Variants in MCHR2 observed in about 807,000 individuals in gnomAD.
The protein encoded by MCHR2 is melanin concentrating hormone receptor 2, also known as melanin-concentrating hormone receptor 2.
In MCHR2, 15 loss-of-function variants were observed where a neutral mutation model predicts 24.8. The observed-to-expected ratio is 0.60, with a 90% CI of 0.40 to 0.93. The LOEUF is 0.93. MCHR2 is among the 40% of genes least tolerant of loss of function. The pLI, the probability that MCHR2 is intolerant of heterozygous loss-of-function variation, is 0.00. For missense variants in MCHR2, 386 were observed against 408.7 expected (o/e 0.94, Z 0.48); for synonymous variants, 151 against 147.6 (o/e 1.02, Z -0.17).
In MCHR2 at chr6:99,941,171, G is replaced by A. The variant is rs1774762862; in HGVS notation, c.587+1778C>T. The stretch of plus-strand genomic sequence containing the variant: ...GGGGGAAGTTTTTCATGTGTTTGGT[G>A]TCAGGCAGAATGGGGGAGAGGGGTG... On this transcript the variant is annotated intron_variant, in intron 4 of 5. Transcript: ENST00000281806. Among the ~76,000 whole-genome samples, 13 of 150,448 alleles carry A rather than the reference G, an allele frequency of 8.6e-5. No individual in the cohort carries two copies. The Admixed American group carries it at 8.6e-4, about 10-fold the overall frequency.
At chr6:99,924,632 C>A (rs1454169847) in intron 5 of MCHR2, among the ~76,000 whole-genome samples, 1 of 151,888 alleles carries the variant, frequency 6.6e-6, no homozygotes, top group Non-Finnish European at 1.5e-5. Context: ...AGAAATTTTT[C>A]AACTTCCTTA....
chr6:99,968,165 C>A (rs79846172), intron 1 of MCHR2, among the ~76,000 whole-genome samples: 142 of 152,046 alleles, frequency 9.3e-4, no homozygotes, highest in African/African-American at 3.3e-3. Context: ...GGTATGGAAC[C>A]CTGGGATGGA....
intron 1 of MCHR2, among the ~76,000 whole-genome samples, chr6:99,964,318 G>A (rs905525196): frequency 1.3e-5 from 2 of 152,116 alleles, no homozygotes; most frequent in Non-Finnish European, 2.9e-5. Context: ...GCTCCAGAAT[G>A]TTCACAGAAA....
At chr6:99,960,454 C>T (rs574499374) in intron 1 of MCHR2, among the ~76,000 whole-genome samples, 1 of 152,244 alleles carries the variant, frequency 6.6e-6, no homozygotes, top group African/African-American at 2.4e-5. Context: ...CTACCAATGA[C>T]TTTCTTCACA....
chr6:99,956,174 G>C lies in MCHR2; in HGVS notation c.-27C>G. 1.3e-6 allele frequency: 2 copies of C among 1,576,708 alleles called. No individual in the cohort carries two copies. Among genetic ancestry groups the C allele is most frequent in the Non-Finnish European group, 1.7e-6 (2 of 1,156,438 alleles). ...GTTCGTGGACTTTCCAGGGATTAAAGCTGTGAAGTAATAGGAAGTGATTTA... is the reference window on the plus strand; with the variant it reads ...GTTCGTGGACTTTCCAGGGATTAAACCTGTGAAGTAATAGGAAGTGATTTA... On this transcript the variant is annotated splice_region_variant and 5_prime_UTR_variant, in exon 2 of 6. Coordinates refer to ENST00000281806, the MANE Select transcript of MCHR2 (RefSeq NM_001040179.2).
Position 99,956,031 on chromosome 6 carries a change from G to A in MCHR2, c.117C>T (p.Ser39=). The change falls in exon 2 of 6, where the codon TCC becomes TCT. Residue 39 remains serine, a synonymous_variant. Coordinates refer to ENST00000281806, the MANE Select transcript of MCHR2 (RefSeq NM_001040179.2). ...ASVVDTVILP[S]MIGIICSTGL... is the part of the protein sequence containing the mutation. The stretch of plus-strand genomic sequence containing the variant: ...CTGTTGAACAGATAATCCCAATCAT[G>A]GAAGGGAGGATGACTGTATCTACCA... 5 of 1,613,194 alleles carry A rather than the reference G, an allele frequency of 3.1e-6. No homozygotes were observed. The highest frequency in any genetic ancestry group is 1.3e-5 in the African/African-American group (1 of 74,892).
intron 4 of MCHR2, among the ~76,000 whole-genome samples, chr6:99,941,562 A>G (rs1774772100): frequency 6.6e-6 from 1 of 152,172 alleles, no homozygotes; most frequent in Non-Finnish European, 1.5e-5. Context: ...TAATTAAGTC[A>G]TGAGAGTCGC....
intron 1 of MCHR2, among the ~76,000 whole-genome samples, chr6:99,968,336 T>C (rs774836883): frequency 4.6e-5 from 7 of 152,196 alleles, no homozygotes; most frequent in Non-Finnish European, 1.0e-4. Flanking sequence ...CAGAGGAAAG[T>C]GGATCACTCC....
chr6:99,927,241 T>A (rs1299402574), intron 5 of MCHR2, among the ~76,000 whole-genome samples: 2 of 152,216 alleles, frequency 1.3e-5, no homozygotes, highest in Non-Finnish European at 2.9e-5. Flanking sequence ...TACTGCAGCC[T>A]TGTAGTATTG....
intron 1 of MCHR2, among the ~76,000 whole-genome samples, chr6:99,974,433 C>T (rs1268930601): frequency 6.6e-6 from 1 of 152,216 alleles, no homozygotes; most frequent in East Asian, 1.9e-4. Flanking sequence ...GACTTCTCTG[C>T]ATTGGTTATT....
chr6:99,943,011 G>T lies in MCHR2; in HGVS notation c.525C>A (p.Ile175=). ...ALPVWVYSKV[I]KFKDGVESCA... ...AACTCTCAACACCGTCTTTAAATTT[G>T]ATGACCTTCGAGTAGACCCAGACAG... The change falls in exon 4 of 6, where the codon ATC becomes ATA. Residue 175 remains isoleucine, a synonymous_variant. Coordinates refer to ENST00000281806, the MANE Select transcript of MCHR2 (RefSeq NM_001040179.2). 1 of 1,612,958 alleles carries T rather than the reference G, an allele frequency of 6.2e-7. No homozygotes were observed. The highest frequency in any genetic ancestry group is 1.1e-5 in the South Asian group (1 of 90,968).
At chr6:99,956,229 CT>C (rs1775059011) in intron 1 of MCHR2, 55 bp from the exon 2 acceptor site, 2 of 1,203,466 alleles carry the variant, frequency 1.7e-6, no homozygotes, top group Non-Finnish European at 2.3e-6. Flanking sequence ...ATATAACTTC[CT>C]TTACCTAATT....
At chr6:99,921,730 T>C (rs996516102) in intron 5 of MCHR2, among the ~76,000 whole-genome samples, 1 of 152,194 alleles carries the variant, frequency 6.6e-6, no homozygotes, top group Admixed American at 6.5e-5. Flanking sequence ...TTTTGAACTA[T>C]TTTTTAATAC....
chr6:99,970,407 G>A (rs1273680356), intron 1 of MCHR2, among the ~76,000 whole-genome samples: 1 of 151,980 alleles, frequency 6.6e-6, no homozygotes, highest in Non-Finnish European at 1.5e-5. Flanking sequence ...TGATGGGGTT[G>A]TTTGTTTTTT....
At chr6:99,932,485 G>C (rs1774567111) in intron 5 of MCHR2, among the ~76,000 whole-genome samples, 1 of 152,164 alleles carries the variant, frequency 6.6e-6, no homozygotes, top group Admixed American at 6.5e-5. Flanking sequence ...AATAGTGAAA[G>C]GGATAAATAG....
chr6:99,927,704 T>C (rs567957345), intron 5 of MCHR2, among the ~76,000 whole-genome samples: 2,914 of 152,224 alleles, frequency 0.019, 34 homozygotes, highest in Middle Eastern at 0.048. Flanking sequence ...GAGATTTTGC[T>C]GAAGTTGCTT....
intron 1 of MCHR2, among the ~76,000 whole-genome samples, chr6:99,991,996 C>G (rs1349690486): frequency 6.6e-6 from 1 of 152,088 alleles, no homozygotes; most frequent in African/African-American, 2.4e-5. Context: ...TTCTGAGAAT[C>G]AGAATGTTAA....
chr6:99,926,459 A>G (rs1774360290), intron 5 of MCHR2, among the ~76,000 whole-genome samples: 1 of 143,600 alleles, frequency 7.0e-6, no homozygotes, highest in African/African-American at 2.5e-5. Context: ...CAACAGTGTA[A>G]AAGTGTTCCT....
chr6:99,980,828 A>C (rs1265914956), intron 1 of MCHR2, among the ~76,000 whole-genome samples: 1 of 152,208 alleles, frequency 6.6e-6, no homozygotes, highest in African/African-American at 2.4e-5. Flanking sequence ...ACAGGTACTG[A>C]TTACATGAAA....
Sources: gnomAD v4.1 joint callset for allele counts (sites outside exome capture counted in the v4.1 genomes callset) on GRCh38, gnomAD v4.1.1 for gene constraint, MANE v1.5 for transcripts, NCBI Gene and HGNC (gene_info 2026-07-23, HGNC 2026-07-21) for gene names.